The following ALPK2 variants were observed in gnomAD, a reference collection of about 807,000 sequenced individuals.
ALPK2 encodes the protein alpha-protein kinase 2.
Under a neutral mutation model 163.1 loss-of-function variants are expected in ALPK2, and 127 were observed. The observed-to-expected ratio is 0.78, with a 90% CI of 0.67 to 0.90. The LOEUF (loss-of-function observed/expected upper bound fraction) is 0.90, where lower values mean the gene tolerates loss of function less well. Among genes scored for constraint, ALPK2 ranks in the 40% least tolerant of loss-of-function variants. The probability of loss-of-function intolerance (pLI) is 0.00; values close to 1 mark genes in which losing one functional copy is unlikely to be tolerated. For missense variants in ALPK2, 2,360 were observed against 2,589.6 expected (o/e 0.91, Z 1.92); for synonymous variants, 953 against 959.1 (o/e 0.99, Z 0.12).
At chr18:58,487,213 C>T (rs2051343892) in intron 12 of ALPK2, among the ~76,000 whole-genome samples, 1 of 152,102 alleles carries the variant, frequency 6.6e-6, no homozygotes, top group Non-Finnish European at 1.5e-5. Context: ...AGGGGAGGCC[C>T]TCAATCCACT....
rs559074825 is a variant in ALPK2 at position 58,489,729 on chromosome 18, A to G, written c.6297-7690T>C. Among the ~76,000 whole-genome samples, 17 of 152,222 alleles carry G rather than the reference A, an allele frequency of 1.1e-4. No homozygotes were observed. In the South Asian group the frequency reaches 3.1e-3, roughly 28 times the overall value. On this transcript the variant is annotated intron_variant, in intron 12 of 12. Transcript: ENST00000361673. ...AATAATATCTTTCCTTGTCCCTAGGACATTCAAAATACACATCAGCTCTTT... is the reference window on the plus strand; with the variant it reads ...AATAATATCTTTCCTTGTCCCTAGGGCATTCAAAATACACATCAGCTCTTT...
rs1340242708 is a variant in ALPK2 at position 58,538,071 on chromosome 18, G to C, written c.2116C>G (p.Gln706Glu). ...GVHKENASLAQHSEVKPCTCG... is the reference protein window; with the variant it reads ...GVHKENASLAEHSEVKPCTCG... ...GTACAGGGTTTGACCTCCGAGTGTT[G>C]AGCTAATGATGCATTTTCCTTGTGG... The change falls in exon 5 of 13, where the codon CAA (glutamine) becomes GAA (glutamate). Residue 706 changes from glutamine to glutamate, a missense_variant. Transcript: ENST00000361673. The C allele has an allele frequency of 5.6e-6, 9 of 1,614,040 alleles. No individual in the cohort carries two copies. Among genetic ancestry groups the C allele is most frequent in the Non-Finnish European group, 7.6e-6 (9 of 1,180,038 alleles).
intron 1 of ALPK2, among the ~76,000 whole-genome samples, chr18:58,627,325 A>G (rs1350329170): frequency 1.3e-5 from 2 of 152,216 alleles, no homozygotes; most frequent in Non-Finnish European, 2.9e-5. Context: ...TAAAAACATC[A>G]AAAAGACAAT....
chr18:58,537,814 C>T lies in ALPK2; in HGVS notation c.2373G>A (p.Val791=). 3 of 1,614,154 alleles carry T rather than the reference C, an allele frequency of 1.9e-6. No individual in the cohort carries two copies. The highest frequency in any genetic ancestry group is 8.5e-7 in the Non-Finnish European group (1 of 1,180,030). ...CTTCTCTGTCCCTTGGCTCATCACA[C>T]ACATTTTCCAGGGTGAGGGCAGTAT... is the stretch of plus-strand genomic sequence containing the variant. ...PTDTALTLEN[V]CDEPRDREAV... The change falls in exon 5 of 13, where the codon GTG becomes GTA. Residue 791 remains valine, a synonymous_variant. Transcript: ENST00000361673.
intron 1 of ALPK2, among the ~76,000 whole-genome samples, chr18:58,617,744 G>T (rs930583744): frequency 2.0e-5 from 3 of 152,022 alleles, no homozygotes; most frequent in Non-Finnish European, 4.4e-5. Flanking sequence ...GGTATGTATG[G>T]TACATGCTTT....
chr18:58,622,101 T>C (rs920047922), intron 1 of ALPK2, among the ~76,000 whole-genome samples: 3 of 150,932 alleles, frequency 2.0e-5, no homozygotes, highest in African/African-American at 4.9e-5. Context: ...AATCCCAGCA[T>C]TTTGGGAGGC....
At chr18:58,512,006 T>G (rs2051492509) in intron 10 of ALPK2, 2 of 152,218 alleles carry the variant, frequency 1.3e-5, no homozygotes, top group Admixed American at 6.5e-5. Flanking sequence ...GTTAAAGAAA[T>G]TTCAAATTTC....
At chr18:58,548,240 G>A (rs1378490923) in intron 4 of ALPK2, among the ~76,000 whole-genome samples, 2 of 152,024 alleles carry the variant, frequency 1.3e-5, no homozygotes, top group South Asian at 2.1e-4. Flanking sequence ...GCAGGTTTGG[G>A]GATTGAGGAT....
rs868102117 is a variant in ALPK2 at position 58,524,033 on chromosome 18, G to A, written c.5531C>T (p.Ala1844Val). ...GTCCTTCGGACTGGCTTGCACGATG[G>A]CAAAGGAAACAGTGGAGTTGTCCCC... ...SAGDNSTVSF[A>V]IVQASPKDQG... Residue 1844 changes from alanine (A) to valine (V), a missense_variant, in exon 7 of 13, where the codon GCC (alanine) becomes GTC (valine). By Grantham distance (64) the Ala-to-Val change is moderately conservative. Coordinates refer to ENST00000361673, the MANE Select transcript of ALPK2 (RefSeq NM_052947.4). 1 of 1,613,910 alleles carries A rather than the reference G, an allele frequency of 6.2e-7. No individual in the cohort carries two copies. The highest frequency in any genetic ancestry group is 1.3e-5 in the African/African-American group (1 of 75,046).
intron 1 of ALPK2, among the ~76,000 whole-genome samples, chr18:58,621,560 T>TGC (rs1239422683): frequency 6.6e-6 from 1 of 151,920 alleles, no homozygotes; most frequent in Admixed American, 6.6e-5. Flanking sequence ...CGTGAGCCAC[T>TGC]GCACCAGGCC....
chr18:58,548,327 G>GC (rs2051730380), intron 4 of ALPK2, among the ~76,000 whole-genome samples: 1 of 144,364 alleles, frequency 6.9e-6, no homozygotes, highest in Admixed American at 6.9e-5. Flanking sequence ...CCTGTGTTTT[G>GC]TTTTTTTTTT....
At chr18:58,563,993 A>G (rs1342370487) in intron 4 of ALPK2, among the ~76,000 whole-genome samples, 1 of 152,198 alleles carries the variant, frequency 6.6e-6, no homozygotes, top group Non-Finnish European at 1.5e-5. Flanking sequence ...CAGTCTTATT[A>G]GCATGAAGTA....
chr18:58,565,552 A>G (rs939071279), intron 4 of ALPK2, among the ~76,000 whole-genome samples: 4 of 152,218 alleles, frequency 2.6e-5, no homozygotes, highest in Admixed American at 6.5e-5. Context: ...CCTTTTAAAA[A>G]TAATTCAATT....
rs1369746159 is a variant in ALPK2 at position 58,579,006 on chromosome 18, C to T, written c.1770G>A (p.Ala590=). 9.9e-6 allele frequency: 16 copies of T among 1,614,168 alleles called. No homozygotes were observed. The Middle Eastern group carries it at 5.0e-4, about 50-fold the overall frequency. The change falls in exon 4 of 13, where the codon GCG becomes GCA. Residue 590 remains alanine (A), a synonymous_variant. Coordinates refer to ENST00000361673, the MANE Select transcript of ALPK2 (RefSeq NM_052947.4). ...KRETSHTTAA[A]TGRSSHADAR... ...CATCAGCATGGGAACTCCGACCAGT[C>T]GCTGCTGCTGTGGTGTGAGAAGTCT...
chr18:58,550,143 G>A (rs1211025304), intron 4 of ALPK2, among the ~76,000 whole-genome samples: 1 of 152,022 alleles, frequency 6.6e-6, no homozygotes. Flanking sequence ...CAGACTGTAA[G>A]GTTATTGTCC....
chr18:58,572,786 C>T (rs1156900238), intron 4 of ALPK2, among the ~76,000 whole-genome samples: 5 of 152,072 alleles, frequency 3.3e-5, no homozygotes, highest in African/African-American at 9.7e-5. Context: ...GGAATTGTTC[C>T]GTATCTTGAC....
At chr18:58,530,880 C>T (rs1602203279) in intron 5 of ALPK2, among the ~76,000 whole-genome samples, 1 of 152,174 alleles carries the variant, frequency 6.6e-6, no homozygotes, top group East Asian at 1.9e-4. Context: ...TAAAAAGTTT[C>T]TGTTGTACTA....
chr18:58,482,188 C>A (rs1365627551), intron 12 of ALPK2, 149 bp from the exon 13 acceptor site: 2 of 640,446 alleles, frequency 3.1e-6, no homozygotes, highest in Non-Finnish European at 2.7e-6. Flanking sequence ...ATAGACACAA[C>A]TATAAGTGAA....
intron 4 of ALPK2, among the ~76,000 whole-genome samples, chr18:58,548,092 T>C (rs1440449815): frequency 6.6e-6 from 1 of 152,218 alleles, no homozygotes; most frequent in Non-Finnish European, 1.5e-5. Context: ...ATTACTACAC[T>C]AGTACTTTGC....
Sources: allele counts gnomAD v4.1 joint callset (sites outside exome capture counted in the v4.1 genomes callset), GRCh38; gene constraint gnomAD v4.1.1; transcripts MANE v1.5; gene names NCBI Gene and HGNC (gene_info 2026-07-23, HGNC 2026-07-21).